Variants in GBE1 observed in about 807,000 individuals in gnomAD.
The protein encoded by GBE1 is 1,4-alpha-glucan-branching enzyme.
A neutral mutation model predicts 88.8 loss-of-function variants in GBE1; 70 were observed. The observed-to-expected ratio is 0.79, with a 90% CI of 0.65 to 0.96. The LOEUF is 0.96. Ranked by LOEUF, GBE1 falls within the 40% of genes least tolerant of loss-of-function variation. GBE1 has a pLI of 0.00. For synonymous variants in GBE1, 284 were observed against 300.1 expected, an observed-to-expected ratio of 0.95 and a Z score of 0.56; for missense variants, 872 against 871.0, an observed-to-expected ratio of 1.00 and a Z score of -0.01.
Position 81,743,526 on chromosome 3 carries a change from C to T in GBE1, c.143+17849G>A, listed in dbSNP as rs1044253825. The stretch of plus-strand genomic sequence containing the variant: ...CCCCTCTCTTACAGGCAAAGACCAA[C>T]TCAAAAATAATGCAAGTCATAATGA... On this transcript the variant is annotated intron_variant, in intron 1 of 15. Transcript: ENST00000429644. 31 of 1,466,172 alleles carry T rather than the reference C, an allele frequency of 2.1e-5. No individual in the cohort carries two copies. The Middle Eastern group carries it at 6.8e-4, about 32-fold the overall frequency. The allele number at this position is 1,466,172 out of a possible 1,614,324, so 90.8% of individuals were successfully genotyped here.
intron 14 of GBE1, among the ~76,000 whole-genome samples, chr3:81,506,353 A>G (rs1702653958): frequency 6.6e-6 from 1 of 152,182 alleles, no homozygotes; most frequent in South Asian, 2.1e-4. Flanking sequence ...CTACAAAGAG[A>G]CACCATCTCA....
intron 12 of GBE1, among the ~76,000 whole-genome samples, chr3:81,538,815 G>C (rs1703109223): frequency 6.6e-6 from 1 of 152,000 alleles, no homozygotes. Context: ...AATGCCATGA[G>C]GTAGCGATAG....
In GBE1 at chr3:81,705,468, CT is replaced by C. The variant is rs1057517315; in HGVS notation, c.288del (p.Gly97GlufsTer46). 4 of 1,595,336 alleles carry C rather than the reference CT, an allele frequency of 2.5e-6. No homozygotes were observed. The highest frequency in any genetic ancestry group is 4.5e-5 in the East Asian group (2 of 44,170). On this transcript the variant is annotated frameshift_variant, in exon 2 of 16. Coordinates refer to ENST00000429644, the MANE Select transcript of GBE1 (RefSeq NM_000158.4). LOFTEE classifies it high-confidence loss of function. ...LYCKEWAPGA[E>X]GVFLTGDFNG... Reference sequence around the variant, plus strand: ...CTAAAATCTCCAGTAAGAAAAACTCCTTCTGCTCCCGGGGCCCATTCTTTGC... The same window carrying C: ...CTAAAATCTCCAGTAAGAAAAACTCCTCTGCTCCCGGGGCCCATTCTTTGC...
intron 7 of GBE1, among the ~76,000 whole-genome samples, chr3:81,616,591 T>G (rs1704251374): frequency 6.6e-6 from 1 of 152,136 alleles, no homozygotes; most frequent in Non-Finnish European, 1.5e-5. Context: ...CAGTCTTGAT[T>G]ACTATAACTA....
Position 81,591,118 on chromosome 3 carries a change from T to C in GBE1, c.1155A>G (p.Val385=), listed in dbSNP as rs568073194. The change falls in exon 9 of 16, where the codon GTA becomes GTG. Residue 385 remains valine (V), a synonymous_variant. Transcript: ENST00000429644. Reference sequence around the variant, plus strand: ...TGAGGTAAGTCAAGGCATCTTCATCTACTTGTAGTCCGAAATATTCACTGT... The same window carrying C: ...TGAGGTAAGTCAAGGCATCTTCATCCACTTGTAGTCCGAAATATTCACTGT... ...GDYSEYFGLQ[V]DEDALTYLML... 2.5e-6 allele frequency: 4 copies of C among 1,608,232 alleles called. No individual in the cohort carries two copies. Among genetic ancestry groups the C allele is most frequent in the Non-Finnish European group, 2.5e-6 (3 of 1,176,656 alleles).
At chr3:81,523,312 A>G (rs533120846) in intron 14 of GBE1, among the ~76,000 whole-genome samples, 3 of 151,372 alleles carry the variant, frequency 2.0e-5, no homozygotes, top group Admixed American at 1.3e-4. Context: ...ATACATTTCC[A>G]TTTGTTGACA....
intron 13 of GBE1, among the ~76,000 whole-genome samples, 169 bp from the exon 14 acceptor site, chr3:81,535,494 A>C (rs1320007857): frequency 6.6e-6 from 1 of 152,060 alleles, no homozygotes; most frequent in Non-Finnish European, 1.5e-5. Flanking sequence ...CTGTGAGCCA[A>C]GAACAGTCTC....
intron 8 of GBE1, among the ~76,000 whole-genome samples, chr3:81,592,093 T>G (rs939166672): frequency 6.6e-6 from 1 of 152,150 alleles, no homozygotes; most frequent in Non-Finnish European, 1.5e-5. Flanking sequence ...CTGATTACTA[T>G]ACTCAAATTG....
intron 2 of GBE1, among the ~76,000 whole-genome samples, chr3:81,692,248 T>C (rs975286684): frequency 6.6e-6 from 1 of 152,206 alleles, no homozygotes; most frequent in African/African-American, 2.4e-5. Context: ...CAGAATAAGT[T>C]TGGAGCCCTC....
intron 1 of GBE1, among the ~76,000 whole-genome samples, chr3:81,707,976 T>C (rs1705802123): frequency 6.6e-6 from 1 of 152,026 alleles, no homozygotes; most frequent in Non-Finnish European, 1.5e-5. Flanking sequence ...ACTTTCTCTG[T>C]TGCATTGTTC....
At chr3:81,708,364 A>C (rs1053743188) in intron 1 of GBE1, among the ~76,000 whole-genome samples, 1 of 152,080 alleles carries the variant, frequency 6.6e-6, no homozygotes, top group Non-Finnish European at 1.5e-5. Context: ...TTAATATTTT[A>C]AAAATAAGTA....
intron 1 of GBE1, among the ~76,000 whole-genome samples, chr3:81,715,405 C>A (rs1040964000): frequency 6.6e-6 from 1 of 152,222 alleles, no homozygotes; most frequent in Non-Finnish European, 1.5e-5. Flanking sequence ...CTACTCCTAA[C>A]TGATTAAAAG....
intron 12 of GBE1, among the ~76,000 whole-genome samples, chr3:81,547,625 TTCTCTCTCTCTCTC>T (rs56681369): frequency 0.018 from 2,463 of 138,254 alleles, 60 homozygotes; most frequent in African/African-American, 0.04. Flanking sequence ...GGTTCGTTTG[TTCTCTCTCTCTCTC>T]TCTCTCTCTC....
intron 1 of GBE1, among the ~76,000 whole-genome samples, chr3:81,716,930 A>G (rs1040346707): frequency 2.0e-4 from 30 of 152,198 alleles, no homozygotes; most frequent in African/African-American, 6.8e-4. Flanking sequence ...ATCTGAATGC[A>G]ATAAATCAGA....
At position 81,535,304 on chromosome 3, in the gene GBE1, C is replaced by A. The variant is rs772802187; in HGVS notation, c.1825G>T (p.Glu609Ter). 3.1e-6 allele frequency: 5 copies of A among 1,609,352 alleles called. No homozygotes were observed. The Admixed American group carries it at 6.7e-5, about 22-fold the overall frequency. The stretch of plus-strand genomic sequence containing the variant: ...TCAAAAGCAATGATCTTATTGCCTT[C>A]ATGTTTTTCACTCACGTAGGCCTGC... ...APQAYVSEKH[E>*]GNKIIAFERA... Residue 609 changes from glutamate to a stop codon, truncating the protein, a stop_gained, in exon 14 of 16, where the codon GAA becomes TAA. Transcript: ENST00000429644. LOFTEE classifies it high-confidence loss of function.
At chr3:81,581,048 A>G in intron 11 of GBE1, 117 bp downstream of exon 11, 1 of 626,556 alleles carries the variant, frequency 1.6e-6, no homozygotes, top group Non-Finnish European at 2.8e-6. Flanking sequence ...TACACACATT[A>G]TAGTAACTAC....
intron 1 of GBE1, among the ~76,000 whole-genome samples, chr3:81,756,150 A>G (rs919219573): frequency 1.3e-5 from 2 of 152,226 alleles, no homozygotes; most frequent in Non-Finnish European, 2.9e-5. Context: ...TCTCAAACTG[A>G]CTATTCCTTC....
chr3:81,510,108 T>C (rs1177089511), intron 14 of GBE1, among the ~76,000 whole-genome samples: 4 of 152,174 alleles, frequency 2.6e-5, no homozygotes, highest in African/African-American at 7.2e-5. Flanking sequence ...GCTTTCTCTA[T>C]AAAAATGACT....
intron 14 of GBE1, among the ~76,000 whole-genome samples, chr3:81,530,466 C>T (rs1165979685): frequency 6.6e-6 from 1 of 151,764 alleles, no homozygotes; most frequent in African/African-American, 2.4e-5. Context: ...TTATACTGAT[C>T]CTTGGGAAGG....
Sources: gnomAD v4.1 joint callset for allele counts (sites outside exome capture counted in the v4.1 genomes callset) on GRCh38, gnomAD v4.1.1 for gene constraint, MANE v1.5 for transcripts, NCBI Gene and HGNC (gene_info 2026-07-23, HGNC 2026-07-21) for gene names.